CCBE1: variants seen among roughly 807,000 people sequenced by gnomAD.
CCBE1 encodes collagen and calcium binding EGF domains 1, also known as collagen and calcium-binding EGF domain-containing protein 1.
CCBE1 carries 37 observed loss-of-function variants against 50.0 expected under a neutral mutation model. The ratio of observed to expected loss-of-function variants is 0.74; its 90% confidence interval spans 0.57 to 0.97. The LOEUF is 0.97. CCBE1 is among the 50% of genes least tolerant of loss of function. CCBE1 has a pLI of 0.00. For missense variants in CCBE1, 538 were observed against 523.8 expected, an observed-to-expected ratio of 1.03 and a Z score of -0.26; for synonymous variants, 234 against 203.7, an observed-to-expected ratio of 1.15 and a Z score of -1.27.
intron 2 of CCBE1, among the ~76,000 whole-genome samples, chr18:59,654,326 G>C (rs2054160112): frequency 6.6e-6 from 1 of 152,334 alleles, no homozygotes; most frequent in African/African-American, 2.4e-5. Context: ...CAGCAATATG[G>C]TGTGGAAAGA....
chr18:59,688,222 A>G (rs2054683455), intron 2 of CCBE1: 1 of 152,010 alleles, frequency 6.6e-6, no homozygotes, highest in Non-Finnish European at 1.5e-5. Context: ...CTATAATCCC[A>G]ACACTTTAGG....
At chr18:59,543,274 G>C (rs905454065) in intron 2 of CCBE1, among the ~76,000 whole-genome samples, 1 of 152,144 alleles carries the variant, frequency 6.6e-6, no homozygotes, top group Non-Finnish European at 1.5e-5. Flanking sequence ...TCCTGCTAAC[G>C]AATCTAGAAT....
chr18:59,530,294 A>C (rs986346701), intron 2 of CCBE1, among the ~76,000 whole-genome samples: 6 of 151,994 alleles, frequency 3.9e-5, no homozygotes, highest in African/African-American at 1.4e-4. Context: ...ATTATGGCTC[A>C]TGAGTTCTCA....
At chr18:59,514,573 C>G (rs12456101) in intron 2 of CCBE1, among the ~76,000 whole-genome samples, 2 of 139,046 alleles carry the variant, frequency 1.4e-5, no homozygotes, top group Non-Finnish European at 3.0e-5. Flanking sequence ...TGTTTGTTTT[C>G]TATGGAATAC....
intron 2 of CCBE1, among the ~76,000 whole-genome samples, chr18:59,499,585 T>C (rs1913519115): frequency 6.6e-6 from 1 of 151,654 alleles, no homozygotes; most frequent in South Asian, 2.1e-4. Context: ...CTCCCCCTTA[T>C]AAAACCATCA....
At chr18:59,648,751 TG>T (rs1396926477) in intron 2 of CCBE1, among the ~76,000 whole-genome samples, 2 of 152,190 alleles carry the variant, frequency 1.3e-5, no homozygotes, top group African/African-American at 4.8e-5. Context: ...GGGCAACTTT[TG>T]GTGCACAGAG....
At chr18:59,493,667 C>T (rs138481040) in intron 2 of CCBE1, among the ~76,000 whole-genome samples, 46 of 152,168 alleles carry the variant, frequency 3.0e-4, no homozygotes, top group Middle Eastern at 3.4e-3. Flanking sequence ...CCCTGAACTG[C>T]GTGTTACAGG....
rs190725407 is a variant in CCBE1 at position 59,434,361 on chromosome 18, C to G, written c.*1547G>C. Reference sequence around the variant, plus strand: ...CATTTGCAGGAGAGTGAAAATCTCCCGCAAAGGTAGATAAAGAGCCACTTT... The same window carrying G: ...CATTTGCAGGAGAGTGAAAATCTCCGGCAAAGGTAGATAAAGAGCCACTTT... On this transcript the variant is annotated 3_prime_UTR_variant, in exon 11 of 11. Coordinates refer to ENST00000439986, the MANE Select transcript of CCBE1 (RefSeq NM_133459.4). The G allele has an allele frequency of 3.5e-4, 54 of 152,196 alleles. No homozygotes were observed. The highest frequency in any genetic ancestry group is 1.2e-3 in the African/African-American group (51 of 41,510). 9.4% of individuals were successfully genotyped at this position (152,196 alleles called of 1,614,324 possible). A position where few individuals can be genotyped will look rare whatever the true frequency, so the allele number is the denominator to read the frequency against.
rs545920979 is a variant in CCBE1 at position 59,606,818 on chromosome 18, A to G, written c.212+89811T>C. Among the ~76,000 whole-genome samples, 22 of 152,280 alleles carry G rather than the reference A, an allele frequency of 1.4e-4. 1 individual carries two copies. Among genetic ancestry groups the G allele is most frequent in the Admixed American group, 3.3e-4 (5 of 15,294 alleles). ...ACACGAATGCTATTTCTCTCACTAC[A>G]TATTTCGACAGCTGTTCAAAGAAAC... On this transcript the variant is annotated intron_variant, in intron 2 of 10. Transcript: ENST00000439986.
intron 2 of CCBE1, among the ~76,000 whole-genome samples, chr18:59,560,893 G>C (rs1463958556): frequency 6.6e-6 from 1 of 152,198 alleles, no homozygotes; most frequent in East Asian, 1.9e-4. Flanking sequence ...TAAAGTACAA[G>C]TCCCTTAGCA....
At chr18:59,595,360 C>T (rs1364595860) in intron 2 of CCBE1, among the ~76,000 whole-genome samples, 1 of 152,060 alleles carries the variant, frequency 6.6e-6, no homozygotes, top group Non-Finnish European at 1.5e-5. Context: ...CCTTCGATAA[C>T]AGGCAAGTTA....
At chr18:59,618,518 T>TC (rs2053668120) in intron 2 of CCBE1, among the ~76,000 whole-genome samples, 1 of 148,800 alleles carries the variant, frequency 6.7e-6, no homozygotes, top group Non-Finnish European at 1.5e-5. Flanking sequence ...TACTGCAACC[T>TC]CCATCTCTCA....
In CCBE1 at chr18:59,517,227, G is replaced by A. The variant is rs533535153; in HGVS notation, c.213-36989C>T. Reference sequence around the variant, plus strand: ...GCTAAAGCCCTTTTGAGAAAAAGAAGCTAAGAACAGGGCATCAAACTGGCT... The same window carrying A: ...GCTAAAGCCCTTTTGAGAAAAAGAAACTAAGAACAGGGCATCAAACTGGCT... On this transcript the variant is annotated intron_variant, in intron 2 of 10. Transcript: ENST00000439986. Among the ~76,000 whole-genome samples the A allele has an allele frequency of 7.9e-5, 12 of 152,318 alleles. No homozygotes were observed. The South Asian group carries it at 1.9e-3, about 24-fold the overall frequency.
chr18:59,536,990 C>CA (rs34336757), intron 2 of CCBE1, among the ~76,000 whole-genome samples: 4,715 of 91,622 alleles, frequency 0.051, 165 homozygotes, highest in East Asian at 0.2. Flanking sequence ...GACTCTGTCT[C>CA]AAAAAAAAAA....
At position 59,438,356 on chromosome 18, in the gene CCBE1, G is replaced by T. The variant is rs112514734; in HGVS notation, c.952-210C>A. On this transcript the variant is annotated intron_variant, in intron 9 of 10. Transcript: ENST00000439986. ...TGTCTCTCATTCTGATTTCCCTCAA[G>T]CCCATCTATTTTCAAACCTTCTTGG... 2.8e-4 allele frequency among the ~76,000 whole-genome samples: 42 copies of T among 152,248 alleles called. No homozygotes were observed. The East Asian group carries it at 7.1e-3, about 26-fold the overall frequency.
At chr18:59,445,437 T>C (rs1467030531) in intron 7 of CCBE1, among the ~76,000 whole-genome samples, 1 of 152,254 alleles carries the variant, frequency 6.6e-6, no homozygotes, top group Admixed American at 6.5e-5. Context: ...ACTTGTCTCA[T>C]AATTGTTCTT....
intron 2 of CCBE1, among the ~76,000 whole-genome samples, chr18:59,489,552 T>A (rs1299364488): frequency 6.6e-6 from 1 of 152,194 alleles, no homozygotes. Flanking sequence ...TAGCTGGGAT[T>A]ACTGGGATGT....
At chr18:59,457,208 C>G (rs1568149304) in intron 5 of CCBE1, among the ~76,000 whole-genome samples, 1 of 152,218 alleles carries the variant, frequency 6.6e-6, no homozygotes, top group Admixed American at 6.5e-5. Flanking sequence ...CCCGTAGCTT[C>G]CTCACCTGTA....
At chr18:59,544,418 T>G (rs1915604345) in intron 2 of CCBE1, among the ~76,000 whole-genome samples, 1 of 152,242 alleles carries the variant, frequency 6.6e-6, no homozygotes, top group South Asian at 2.1e-4. Flanking sequence ...TCTGAACAAT[T>G]GCTTTTTCCT....
Sources: gnomAD v4.1 joint callset for allele counts (sites outside exome capture counted in the v4.1 genomes callset) on GRCh38, gnomAD v4.1.1 for gene constraint, MANE v1.5 for transcripts, NCBI Gene and HGNC (gene_info 2026-07-23, HGNC 2026-07-21) for gene names.